The following EFCAB11 variants were observed in gnomAD, a reference collection of about 807,000 sequenced individuals.
The protein encoded by EFCAB11 is EF-hand calcium-binding domain-containing protein 11.
In EFCAB11, 14 loss-of-function variants were observed where a neutral mutation model predicts 23.0. That is an observed-to-expected ratio of 0.61 (90% CI 0.40 to 0.95). The LOEUF (loss-of-function observed/expected upper bound fraction) is 0.95, where lower values mean the gene tolerates loss of function less well. Ranked by LOEUF, EFCAB11 falls within the 40% of genes least tolerant of loss-of-function variation. The pLI, the probability that EFCAB11 is intolerant of heterozygous loss-of-function variation, is 0.00. For missense variants in EFCAB11, 198 were observed against 195.8 expected, an observed-to-expected ratio of 1.01 and a Z score of -0.07; for synonymous variants, 65 against 66.6, an observed-to-expected ratio of 0.98 and a Z score of 0.11.
intron 3 of EFCAB11, among the ~76,000 whole-genome samples, chr14:89,945,735 G>T (rs542041337): frequency 6.6e-6 from 1 of 152,038 alleles, no homozygotes; most frequent in African/African-American, 2.4e-5. Flanking sequence ...TTACAATTAG[G>T]TCACACTGGT....
At chr14:89,857,813 A>G (rs1332278712) in intron 5 of EFCAB11, among the ~76,000 whole-genome samples, 2 of 152,200 alleles carry the variant, frequency 1.3e-5, no homozygotes, top group Non-Finnish European at 2.9e-5. Flanking sequence ...AGAGAAAATG[A>G]TATCTTTTTA....
chr14:89,907,677 T>C (rs986405434), intron 5 of EFCAB11, among the ~76,000 whole-genome samples: 1 of 152,314 alleles, frequency 6.6e-6, no homozygotes, highest in Non-Finnish European at 1.5e-5. Context: ...ATAGATCTGA[T>C]TGATAAAGAG....
Position 89,892,084 on chromosome 14 carries a change from C to T in EFCAB11, c.410+39457G>A. ...TCCTGCTGGTCTTTGATGTGACAAA[C>T]AGGAAGTCCTTTGAACACATCCAAG... On this transcript the variant is annotated intron_variant, in intron 5 of 5. Coordinates refer to ENST00000316738, the MANE Select transcript of EFCAB11 (RefSeq NM_145231.4). The T allele has an allele frequency of 1.9e-6, 3 of 1,544,516 alleles. No individual in the cohort carries two copies. In the South Asian group the frequency reaches 3.6e-5, roughly 19 times the overall value.
intron 3 of EFCAB11, among the ~76,000 whole-genome samples, chr14:89,946,478 C>A (rs566185717): frequency 6.6e-6 from 1 of 152,174 alleles, no homozygotes; most frequent in African/African-American, 2.4e-5. Context: ...TTACATCTAA[C>A]TAAAACATTA....
At chr14:89,946,727 G>C (rs928834819) in intron 3 of EFCAB11, among the ~76,000 whole-genome samples, 5 of 148,940 alleles carry the variant, frequency 3.4e-5, no homozygotes, top group African/African-American at 1.3e-4. Flanking sequence ...GTGCCATCAT[G>C]CCTGGCTTTT....
intron 5 of EFCAB11, among the ~76,000 whole-genome samples, chr14:89,828,372 T>C (rs2140110799): frequency 6.6e-6 from 1 of 152,310 alleles, no homozygotes. Context: ...TCACCCTCAA[T>C]TTATGGAGGT....
intron 5 of EFCAB11, among the ~76,000 whole-genome samples, chr14:89,814,071 G>GA (rs375044305): frequency 0.022 from 2,673 of 123,534 alleles, 88 homozygotes; most frequent in African/African-American, 0.068. Flanking sequence ...CCTGGGGGGA[G>GA]AAAAAAAAAA....
chr14:89,845,079 G>A (rs74622607), intron 5 of EFCAB11, among the ~76,000 whole-genome samples: 1 of 152,056 alleles, frequency 6.6e-6, no homozygotes, highest in Non-Finnish European at 1.5e-5. Flanking sequence ...GCATGATGAA[G>A]TGAAATATTA....
At chr14:89,935,484 C>T (rs1244455024) in intron 3 of EFCAB11, among the ~76,000 whole-genome samples, 2 of 150,700 alleles carry the variant, frequency 1.3e-5, no homozygotes, top group Admixed American at 1.3e-4. Flanking sequence ...ATGGCCACAG[C>T]GCACTGCAGC....
At chr14:89,920,565 C>T (rs1889991485) in intron 5 of EFCAB11, among the ~76,000 whole-genome samples, 2 of 152,226 alleles carry the variant, frequency 1.3e-5, no homozygotes, top group Admixed American at 1.3e-4. Flanking sequence ...GCTTTTCCCT[C>T]ATGTGTAAAA....
intron 5 of EFCAB11, among the ~76,000 whole-genome samples, chr14:89,805,178 A>T (rs895400399): frequency 1.3e-5 from 2 of 152,176 alleles, no homozygotes; most frequent in African/African-American, 4.8e-5. Flanking sequence ...TTCCATGGAC[A>T]TTGTTTGCGT....
chr14:89,893,299 C>G (rs1288237311), intron 5 of EFCAB11, among the ~76,000 whole-genome samples: 1 of 152,176 alleles, frequency 6.6e-6, no homozygotes, highest in Non-Finnish European at 1.5e-5. Flanking sequence ...TATGTGATGT[C>G]AAACCCAGGG....
At chr14:89,921,063 T>TAAAAAAAAAAAAAA (rs199585363) in intron 5 of EFCAB11, among the ~76,000 whole-genome samples, 3 of 111,558 alleles carry the variant, frequency 2.7e-5, no homozygotes, top group African/African-American at 5.0e-5. Flanking sequence ...AGACTCTGTC[T>TAAAAAAAAAAAAAA]AAAAAAAAAA....
In EFCAB11 at chr14:89,827,628, CTTTTTTTTTTTT is replaced by C. The variant is rs36007256; in HGVS notation, c.411-30316_411-30305del. ...GTTTCATGAAGCAATTTTATTCACT[CTTTTTTTTTTTT>C]TTTTTTTTTTGAGATGGAGTTTTGC... On this transcript the variant is annotated intron_variant, in intron 5 of 5. Transcript: ENST00000316738. Among the ~76,000 whole-genome samples, 6 of 105,126 alleles carry C rather than the reference CTTTTTTTTTTTT, an allele frequency of 5.7e-5. No individual in the cohort carries two copies. The South Asian group carries it at 1.7e-3, about 29-fold the overall frequency. 69.0% of individuals were successfully genotyped at this position (105,126 alleles called of 152,430 possible).
At chr14:89,920,791 G>A (rs61073988) in intron 5 of EFCAB11, among the ~76,000 whole-genome samples, 19,269 of 152,212 alleles carry the variant, frequency 0.13, 3,365 homozygotes, top group African/African-American at 0.4. Context: ...AGGGCCGGGC[G>A]TGGTGGCTCA....
chr14:89,841,982 C>T (rs1300064311), intron 5 of EFCAB11, among the ~76,000 whole-genome samples: 1 of 151,980 alleles, frequency 6.6e-6, no homozygotes, highest in East Asian at 1.9e-4. Flanking sequence ...AGTCAGATTC[C>T]TCCTCCTTCT....
At chr14:89,942,147 T>C (rs1370919750) in intron 3 of EFCAB11, among the ~76,000 whole-genome samples, 1 of 152,190 alleles carries the variant, frequency 6.6e-6, no homozygotes, top group African/African-American at 2.4e-5. Context: ...ATGCTTCCTG[T>C]TAAGTCTGTG....
At chr14:89,885,788 A>G (rs182105823) in intron 5 of EFCAB11, among the ~76,000 whole-genome samples, 3 of 151,910 alleles carry the variant, frequency 2.0e-5, no homozygotes, top group African/African-American at 7.2e-5. Context: ...AGAGAGAAAG[A>G]AAGAAAGAAG....
At chr14:89,889,401 T>A (rs558308674) in intron 5 of EFCAB11, among the ~76,000 whole-genome samples, 1 of 152,312 alleles carries the variant, frequency 6.6e-6, no homozygotes, top group South Asian at 2.1e-4. Context: ...CAGTTCCCCA[T>A]CTATGAAATG....
Sources: allele counts gnomAD v4.1 joint callset (sites outside exome capture counted in the v4.1 genomes callset), GRCh38; gene constraint gnomAD v4.1.1; transcripts MANE v1.5; gene names NCBI Gene and HGNC (gene_info 2026-07-23, HGNC 2026-07-21).